The following DCAF8L2 variants were observed in gnomAD, a reference collection of about 807,000 sequenced individuals.
The protein encoded by DCAF8L2 is DDB1 and CUL4 associated factor 8 like 2, also known as DDB1- and CUL4-associated factor 8-like protein 2.
For synonymous variants in DCAF8L2, 200 were observed against 190.9 expected (o/e 1.05, Z -0.39); for missense variants, 430 against 490.7 (o/e 0.88, Z 1.17).
At chrX:27,538,324 T>C in the DCAF8L2 span, among the ~76,000 whole-genome samples, 5 of 112,169 alleles carry the variant, frequency 4.5e-5, no homozygotes, top group Non-Finnish European at 1.9e-5. Flanking sequence ...GGCTAGATTA[T>C]GTAGATTATG....
chrX:27,594,809 G>T (rs762523256), intron 1 of DCAF8L2, among the ~76,000 whole-genome samples: 1 of 111,266 alleles, frequency 9.0e-6, no homozygotes, highest in African/African-American at 3.3e-5. Context: ...TAAATATTTA[G>T]GTCAATTTCA....
chrX:27,573,254 T>TCTCTCACACACACA, the DCAF8L2 span, among the ~76,000 whole-genome samples: 18 of 99,732 alleles, frequency 1.8e-4, no homozygotes, highest in Middle Eastern at 5.1e-3. Context: ...TCTCTCTCTC[T>TCTCTCACACACACA]CACACACACA....
At chrX:27,612,352 G>A (rs1181347196) in intron 1 of DCAF8L2, among the ~76,000 whole-genome samples, 8 of 111,886 alleles carry the variant, frequency 7.2e-5, no homozygotes, top group African/African-American at 2.6e-4. Context: ...TTAGCCCTTT[G>A]TCAGATGGGT....
intron 1 of DCAF8L2, among the ~76,000 whole-genome samples, chrX:27,612,075 C>G (rs1454888123): frequency 1.8e-5 from 2 of 111,571 alleles, no homozygotes; most frequent in East Asian, 5.7e-4. Context: ...TAAAAGCGTT[C>G]CTATTTCTCC....
At chrX:27,534,120 A>G in the DCAF8L2 span, among the ~76,000 whole-genome samples, 1 of 109,716 alleles carries the variant, frequency 9.1e-6, no homozygotes, top group African/African-American at 3.3e-5. Flanking sequence ...CTGAGACAGG[A>G]GGATCACTTG....
At chrX:27,624,215 A>G (rs12013967) in intron 1 of DCAF8L2, among the ~76,000 whole-genome samples, 6,202 of 111,541 alleles carry the variant, frequency 0.056, 410 homozygotes, top group African/African-American at 0.19. Flanking sequence ...GAGTCAGGAA[A>G]AGATAACTCA....
At chrX:27,606,090 T>TC (rs1926854032) in intron 1 of DCAF8L2, among the ~76,000 whole-genome samples, 1 of 105,192 alleles carries the variant, frequency 9.5e-6, no homozygotes, top group African/African-American at 3.5e-5. Context: ...TTTTTTTTTT[T>TC]TGGGAAGAGC....
the DCAF8L2 span, among the ~76,000 whole-genome samples, chrX:27,493,053 G>A: frequency 1.8e-5 from 2 of 110,513 alleles, no homozygotes; most frequent in Non-Finnish European, 3.8e-5. Context: ...GAAACATAGT[G>A]AAACCCTGTC....
chrX:27,684,918 A>T (rs1239526569), intron 3 of DCAF8L2, among the ~76,000 whole-genome samples: 1 of 111,118 alleles, frequency 9.0e-6, no homozygotes, highest in Non-Finnish European at 1.9e-5. Flanking sequence ...TCCTCCATTA[A>T]TCTCTTATAT....
At chrX:27,624,997 AT>A (rs1927944330) in intron 1 of DCAF8L2, among the ~76,000 whole-genome samples, 1 of 112,321 alleles carries the variant, frequency 8.9e-6, no homozygotes, top group South Asian at 3.6e-4. Context: ...AAATTGGCAA[AT>A]GGAATCTAAT....
At chrX:27,570,554 C>G in the DCAF8L2 span, among the ~76,000 whole-genome samples, 1 of 111,889 alleles carries the variant, frequency 8.9e-6, no homozygotes, top group African/African-American at 3.3e-5. Flanking sequence ...TTTGCAGTGT[C>G]CTGTAAATTA....
At chrX:27,613,488 G>C (rs1187941502) in intron 1 of DCAF8L2, among the ~76,000 whole-genome samples, 1 of 111,249 alleles carries the variant, frequency 9.0e-6, no homozygotes, top group Non-Finnish European at 1.9e-5. Context: ...CCAACACTAT[G>C]TTGAATAGGA....
At chrX:27,666,321 T>C (rs6653777) in intron 2 of DCAF8L2, among the ~76,000 whole-genome samples, 14,392 of 110,881 alleles carry the variant, frequency 0.13, 765 homozygotes, top group African/African-American at 0.18. Context: ...AATTGGGAGG[T>C]TTATTTCACA....
intron 2 of DCAF8L2, among the ~76,000 whole-genome samples, chrX:27,650,565 G>T (rs945818644): frequency 8.9e-6 from 1 of 111,743 alleles, no homozygotes; most frequent in Non-Finnish European, 1.9e-5. Context: ...TGCATCTATC[G>T]TAAATTGGTT....
intron 1 of DCAF8L2, chrX:27,627,472 T>G (rs764907118): frequency 1.8e-5 from 2 of 110,040 alleles, no homozygotes; most frequent in Non-Finnish European, 3.8e-5. Flanking sequence ...ATAGACATAT[T>G]CAACACCTCC....
the DCAF8L2 span, among the ~76,000 whole-genome samples, chrX:27,473,929 T>C: frequency 9.0e-6 from 1 of 111,155 alleles, no homozygotes; most frequent in Non-Finnish European, 1.9e-5. Flanking sequence ...TATGGGAGTC[T>C]TTGCCATTTA....
At chrX:27,708,570 G>T (rs1470444771) in intron 3 of DCAF8L2, among the ~76,000 whole-genome samples, 1 of 111,826 alleles carries the variant, frequency 8.9e-6, no homozygotes, top group Non-Finnish European at 1.9e-5. Context: ...ACTGTCTCTG[G>T]TTTTATAATG....
At chrX:27,687,782 A>G (rs1011078225) in intron 3 of DCAF8L2, among the ~76,000 whole-genome samples, 11 of 111,781 alleles carry the variant, frequency 9.8e-5, no homozygotes. Flanking sequence ...TGAACCCAGG[A>G]GGTGCTACAC....
At chrX:27,678,333 A>G (rs1427361713) in intron 3 of DCAF8L2, among the ~76,000 whole-genome samples, 1 of 111,963 alleles carries the variant, frequency 8.9e-6, no homozygotes. Context: ...ACTTCTGAGT[A>G]TATACCCAAA....
Sources: allele counts gnomAD v4.1 joint callset (sites outside exome capture counted in the v4.1 genomes callset), GRCh38; gene constraint gnomAD v4.1.1; transcripts MANE v1.5; gene names NCBI Gene and HGNC (gene_info 2026-07-23, HGNC 2026-07-21).